The following DLG2 variants were observed in gnomAD, a reference collection of about 807,000 sequenced individuals.
The protein encoded by DLG2 is discs large MAGUK scaffold protein 2.
DLG2 carries 45 observed loss-of-function variants against 132.5 expected under a neutral mutation model. The ratio of observed to expected loss-of-function variants is 0.34; its 90% CI spans 0.27 to 0.44. DLG2 has a LOEUF of 0.44. DLG2 is among the 20% of genes least tolerant of loss of function. DLG2 has a pLI of 1.00. For missense variants in DLG2, 1,045 were observed against 1,196.9 expected (o/e 0.87, Z 1.87); for synonymous variants, 424 against 419.6 (o/e 1.01, Z -0.13).
At chr11:84,805,815 T>A (rs1235062307) in intron 6 of DLG2, among the ~76,000 whole-genome samples, 1 of 152,150 alleles carries the variant, frequency 6.6e-6, no homozygotes, top group Non-Finnish European at 1.5e-5. Flanking sequence ...TTAAATAAAT[T>A]ACCAAGTCTC....
At chr11:83,842,523 C>CA (rs771360645) in intron 16 of DLG2, among the ~76,000 whole-genome samples, 24,135 of 69,976 alleles carry the variant, frequency 0.34, 4,013 homozygotes, top group Non-Finnish European at 0.41. Flanking sequence ...GAACCTGTCT[C>CA]AAAAAAAAAA....
intron 3 of DLG2, among the ~76,000 whole-genome samples, chr11:85,477,023 A>C (rs184415236): frequency 6.6e-6 from 1 of 152,170 alleles, no homozygotes; most frequent in Non-Finnish European, 1.5e-5. Flanking sequence ...CATCAATACA[A>C]TGACAAGAGT....
chr11:85,126,208 G>A lies in DLG2; in HGVS notation c.283-14473C>T, dbSNP rs59601533. Among the ~76,000 whole-genome samples the A allele has an allele frequency of 9.8e-3, 1,485 of 152,228 alleles. 20 individuals carry two copies. The highest frequency in any genetic ancestry group is 0.032 in the African/African-American group (1,343 of 41,550). On this transcript the variant is annotated intron_variant, in intron 5 of 27. Coordinates refer to ENST00000376104, the MANE Select transcript of DLG2 (RefSeq NM_001142699.3). ...TAACACAGATTTAAAAGATGGTCTCGTCCATGTATTTTCAACATTCTTGGA... is the reference window on the plus strand; with the variant it reads ...TAACACAGATTTAAAAGATGGTCTCATCCATGTATTTTCAACATTCTTGGA...
At chr11:85,070,358 A>G (rs1050696343) in intron 6 of DLG2, among the ~76,000 whole-genome samples, 7 of 151,532 alleles carry the variant, frequency 4.6e-5, no homozygotes, top group Non-Finnish European at 1.5e-5. Context: ...ACACTCTTAT[A>G]TTGACTGCAG....
chr11:84,973,875 G>A (rs749700859), intron 6 of DLG2, among the ~76,000 whole-genome samples: 1 of 152,060 alleles, frequency 6.6e-6, no homozygotes, highest in Admixed American at 6.6e-5. Flanking sequence ...TAATTTTCAT[G>A]TGTCATGAAA....
rs191831531 is a variant in DLG2, at chr11:83,849,499, T to C, written c.1566-15729A>G. The stretch of plus-strand genomic sequence containing the variant: ...GAAATAAGACATAAATATAGAGACA[T>C]AGATATTTGAAACGAAATGTAGAAT... On this transcript the variant is annotated intron_variant, in intron 16 of 27. Transcript: ENST00000376104. Among the ~76,000 whole-genome samples, 396 of 151,754 alleles carry C rather than the reference T, an allele frequency of 2.6e-3. 1 individual carries two copies. Among genetic ancestry groups the C allele is most frequent in the African/African-American group, 9.1e-3 (376 of 41,474 alleles).
intron 19 of DLG2, among the ~76,000 whole-genome samples, chr11:83,610,799 G>T (rs1337676280): frequency 2.0e-5 from 3 of 152,124 alleles, no homozygotes; most frequent in Admixed American, 6.5e-5. Flanking sequence ...TGATTATGAG[G>T]TTGGTACTCT....
At chr11:83,520,275 T>C (rs1462698450) in intron 21 of DLG2, among the ~76,000 whole-genome samples, 6 of 152,226 alleles carry the variant, frequency 3.9e-5, no homozygotes, top group Admixed American at 6.5e-5. Context: ...TGTAGTTGTG[T>C]CACTCAGATT....
At chr11:84,846,095 G>T (rs1333601422) in intron 6 of DLG2, among the ~76,000 whole-genome samples, 2 of 151,964 alleles carry the variant, frequency 1.3e-5, no homozygotes, top group African/African-American at 4.8e-5. Flanking sequence ...TCTCTTATCT[G>T]TAACTCCTTT....
chr11:85,137,985 A>G (rs2076233484), intron 5 of DLG2, among the ~76,000 whole-genome samples: 1 of 152,158 alleles, frequency 6.6e-6, no homozygotes, highest in Non-Finnish European at 1.5e-5. Context: ...TAATTCATGA[A>G]AAGCAGGAGT....
At chr11:83,752,737 G>GA (rs77747255) in intron 18 of DLG2, among the ~76,000 whole-genome samples, 38,614 of 152,090 alleles carry the variant, frequency 0.25, 7,512 homozygotes, top group African/African-American at 0.55. Flanking sequence ...TCAATAGAGA[G>GA]AAAATGTTGA....
intron 6 of DLG2, among the ~76,000 whole-genome samples, chr11:84,839,266 C>T (rs534749665): frequency 6.6e-6 from 1 of 152,134 alleles, no homozygotes; most frequent in African/African-American, 2.4e-5. Context: ...GAATAAAATA[C>T]CTAAGAATCC....
intron 6 of DLG2, among the ~76,000 whole-genome samples, chr11:85,013,697 T>A (rs549835607): frequency 6.6e-6 from 1 of 152,094 alleles, no homozygotes; most frequent in African/African-American, 2.4e-5. Context: ...GAAGATAAAA[T>A]TTTTGAAAAT....
At chr11:85,162,930 G>A (rs1168209260) in intron 4 of DLG2, among the ~76,000 whole-genome samples, 1 of 152,218 alleles carries the variant, frequency 6.6e-6, no homozygotes, top group East Asian at 1.9e-4. Context: ...TGAGTCAGTG[G>A]GCTGGGAAAG....
chr11:84,117,113 GTCTCACTTGA>G (rs1486017831), intron 9 of DLG2, among the ~76,000 whole-genome samples: 6 of 152,152 alleles, frequency 3.9e-5, no homozygotes, highest in Non-Finnish European at 7.3e-5. Context: ...GCTCCAAGAA[GTCTCACTTGA>G]TCTCACGCAC....
chr11:84,222,599 A>G (rs2096931702), intron 8 of DLG2, among the ~76,000 whole-genome samples: 1 of 152,146 alleles, frequency 6.6e-6, no homozygotes, highest in South Asian at 2.1e-4. Flanking sequence ...GTATCACCTA[A>G]CCTTATGTCA....
At chr11:85,246,861 T>G (rs11823732) in intron 4 of DLG2, among the ~76,000 whole-genome samples, 12,430 of 152,114 alleles carry the variant, frequency 0.082, 844 homozygotes, top group African/African-American at 0.18. Context: ...ACTAACATAG[T>G]TATCCAATCA....
intron 9 of DLG2, among the ~76,000 whole-genome samples, chr11:84,103,632 C>G (rs527986385): frequency 3.9e-5 from 6 of 152,120 alleles, no homozygotes; most frequent in Non-Finnish European, 7.4e-5. Flanking sequence ...CTCTTCCCCA[C>G]GAGCACAAAC....
At chr11:84,240,711 T>C (rs899068755) in intron 8 of DLG2, among the ~76,000 whole-genome samples, 9 of 152,098 alleles carry the variant, frequency 5.9e-5, no homozygotes, top group African/African-American at 1.4e-4. Context: ...GGTAAGGATA[T>C]AGGAAAATGT....
Sources: gnomAD v4.1 joint callset for allele counts (sites outside exome capture counted in the v4.1 genomes callset) on GRCh38, gnomAD v4.1.1 for gene constraint, MANE v1.5 for transcripts, NCBI Gene and HGNC (gene_info 2026-07-23, HGNC 2026-07-21) for gene names.